The following WRAP53 variants were observed in gnomAD, a reference collection of about 807,000 sequenced individuals.
WRAP53 encodes the protein telomerase Cajal body protein 1.
A neutral mutation model predicts 56.6 loss-of-function variants in WRAP53; 28 were observed. That is an observed-to-expected ratio of 0.50 (90% CI 0.37 to 0.68). The LOEUF is 0.68. Ranked by LOEUF, WRAP53 falls within the 30% of genes least tolerant of loss-of-function variation. The pLI, the probability that WRAP53 is intolerant of heterozygous loss-of-function variation, is 0.00. For synonymous variants in WRAP53, 283 were observed against 283.4 expected (o/e 1.00, Z 0.01); for missense variants, 671 against 715.5 (o/e 0.94, Z 0.71).
chr17:7,697,870 CT>C (rs35262309), intron 4 of WRAP53, among the ~76,000 whole-genome samples: 230 of 143,682 alleles, frequency 1.6e-3, no homozygotes, highest in Admixed American at 2.2e-3. Flanking sequence ...ACAATAGACA[CT>C]TTTTTTTTTT....
Position 7,688,527 on chromosome 17 carries a change from C to A in WRAP53, c.-36C>A, listed in dbSNP as rs1247050198. 2.8e-6 allele frequency: 3 copies of A among 1,077,694 alleles called. No individual in the cohort carries two copies. The highest frequency in any genetic ancestry group is 2.9e-5 in the South Asian group (2 of 68,398). The allele number at this position is 1,077,694 out of a possible 1,614,324, so 66.8% of individuals were successfully genotyped here. ...GCTGTTCGCCTCTCCTCCCGGGAGT[C>A]TTCTGCCTACTCCCAGAAGAGGAGG... On this transcript the variant is annotated 5_prime_UTR_variant, in exon 1 of 11. Coordinates refer to ENST00000396463, the MANE Select transcript of WRAP53 (RefSeq NM_001143992.2).
rs1413140173 is a variant in WRAP53, at chr17:7,702,191, C to T, written c.956-153C>T. 2 of 805,430 alleles carry T rather than the reference C, an allele frequency of 2.5e-6. No homozygotes were observed. Among genetic ancestry groups the T allele is most frequent in the Non-Finnish European group, 4.1e-6 (2 of 484,610 alleles). The allele number at this position is 805,430 out of a possible 1,614,324, so 49.9% of individuals were successfully genotyped here. A position where few individuals can be genotyped will look rare whatever the true frequency, so the allele number is the denominator to read the frequency against. On this transcript the variant is annotated intron_variant, in intron 7 of 10. Transcript: ENST00000396463. The surrounding 1 kb of genome is among the most constrained non-coding windows in gnomAD (Gnocchi z 5.0). ...CCTTTGGGAGGATAGATGTGGGGAG[C>T]ATCAGAGGTCTTTGTCCTGCTTGTG...
intron 4 of WRAP53, among the ~76,000 whole-genome samples, chr17:7,699,094 A>T (rs1417192764): frequency 6.7e-6 from 1 of 150,080 alleles, no homozygotes; most frequent in African/African-American, 2.5e-5. Flanking sequence ...GACCTGCAAG[A>T]CAACGTTAGA....
At position 7,699,458 on chromosome 17, in the gene WRAP53, T is replaced by A. The variant is rs865816158; in HGVS notation, c.643-1283T>A. Among the ~76,000 whole-genome samples the A allele has an allele frequency of 7.0e-3, 278 of 39,794 alleles. 13 individuals are homozygous for A. The highest frequency in any genetic ancestry group is 0.042 in the African/African-American group (215 of 5,132). The allele number at this position is 39,794 out of a possible 152,430, so 26.1% of individuals were successfully genotyped here. A position where few individuals can be genotyped will look rare whatever the true frequency, so the allele number is the denominator to read the frequency against. The stretch of plus-strand genomic sequence containing the variant: ...AAAAAATTTATATATATATATATAT[T>A]TATATATATATATATATTTATATAT... On this transcript the variant is annotated intron_variant, in intron 4 of 10. Coordinates refer to ENST00000396463, the MANE Select transcript of WRAP53 (RefSeq NM_001143992.2).
rs2074052837 is a variant in WRAP53 at position 7,688,574 on chromosome 17, A to G, written c.-2+13A>G. On this transcript the variant is annotated intron_variant, in intron 1 of 10. Transcript: ENST00000396463. ...GAGGGAAGCACAGGTGGGTTTCTTT[A>G]GCTCTGCGTCGGATCCCTGAGAACT... 2 of 1,546,482 alleles carry G rather than the reference A, an allele frequency of 1.3e-6. No individual in the cohort carries two copies. The highest frequency in any genetic ancestry group is 2.3e-5 in the South Asian group (2 of 86,812).
chr17:7,701,798 C>A lies in WRAP53; in HGVS notation c.955+9C>A. ...GGTCCGAGCCACATTTGGTAAGCAT[C>A]TGTGCCTCCAAGGGAGGAGGAGAGG... is the stretch of plus-strand genomic sequence containing the variant. On this transcript the variant is annotated intron_variant, in intron 7 of 10. Coordinates refer to ENST00000396463, the MANE Select transcript of WRAP53 (RefSeq NM_001143992.2). The surrounding 1 kb of genome is among the most constrained non-coding windows in gnomAD (Gnocchi z 4.2). 6.2e-7 allele frequency: 1 copy of A among 1,613,384 alleles called. No individual in the cohort carries two copies. Among genetic ancestry groups the A allele is most frequent in the Non-Finnish European group, 8.5e-7 (1 of 1,179,720 alleles).
At position 7,702,533 on chromosome 17, in the gene WRAP53, T is replaced by A. The variant is rs375768855; in HGVS notation, c.1145T>A (p.Phe382Tyr). 6.2e-7 allele frequency: 1 copy of A among 1,611,176 alleles called. No individual in the cohort carries two copies. The highest frequency in any genetic ancestry group is 1.3e-5 in the African/African-American group (1 of 75,012). The change falls in exon 8 of 11, where the codon TTC becomes TAC. Residue 382 changes from phenylalanine to tyrosine, a missense_variant. Phe to Tyr is a conservative substitution (Grantham distance 22). Around this residue, in one of 3 missense-constraint regions of WRAP53, gnomAD observed 158 missense variants for 215.7 expected, o/e 0.73. Transcript: ENST00000396463. The surrounding 1 kb of genome is among the most constrained non-coding windows in gnomAD (Gnocchi z 5.0). The part of the protein sequence containing the change: ...HLCFHPDGNR[F>Y]FSGARKDAEL... Reference sequence around the variant, plus strand: ...TGCTTTCATCCCGATGGCAACCGCTTCTTCTCAGGAGCCCGCAAGGTAGGG... The same window carrying A: ...TGCTTTCATCCCGATGGCAACCGCTACTTCTCAGGAGCCCGCAAGGTAGGG...
chr17:7,694,121 A>G lies in WRAP53; in HGVS notation c.642+4420A>G, dbSNP rs118024394. 1.3e-3 allele frequency among the ~76,000 whole-genome samples: 201 copies of G among 152,316 alleles called. 1 individual carries two copies. The highest frequency in any genetic ancestry group is 3.2e-3 in the Admixed American group (49 of 15,294). On this transcript the variant is annotated intron_variant, in intron 4 of 10. Transcript: ENST00000396463. ...AATATGGTGAAACCCCGTCTCTACT[A>G]AAAAAGATACAAAGTTAGCCAGGCA...
chr17:7,700,066 TG>T (rs1165381213), intron 4 of WRAP53, among the ~76,000 whole-genome samples: 2 of 151,188 alleles, frequency 1.3e-5, no homozygotes, highest in African/African-American at 2.4e-5. Flanking sequence ...CTTTTTTTTT[TG>T]GGGGGCACTG....
intron 4 of WRAP53, among the ~76,000 whole-genome samples, chr17:7,699,498 ATATTTATATATATATATATATATT>A (rs1292441571): frequency 0.06 from 725 of 12,030 alleles, 79 homozygotes; most frequent in African/African-American, 0.16. Context: ...ATATATATAT[ATATTTATATATATATATATATATT>A]TATATATATA....
At chr17:7,687,678 G>A (rs953705814), upstream of WRAP53, 3 of 398,280 alleles carry the variant, frequency 7.5e-6, no homozygotes, top group East Asian at 3.6e-5. Flanking sequence ...GATTCTCGCC[G>A]ACCTGGTGCC....
At chr17:7,687,678 G>C (rs953705814), upstream of WRAP53, 1 of 398,280 alleles carries the variant, frequency 2.5e-6, no homozygotes, top group Non-Finnish European at 4.4e-6. Context: ...GATTCTCGCC[G>C]ACCTGGTGCC....
At position 7,701,289 on chromosome 17, in the gene WRAP53, G is replaced by C; in HGVS notation, c.732-170G>C. 1 of 732,686 alleles carries C rather than the reference G, an allele frequency of 1.4e-6. No homozygotes were observed. The highest frequency in any genetic ancestry group is 2.7e-5 in the East Asian group (1 of 37,126). The allele number at this position is 732,686 out of a possible 1,614,324, so 45.4% of individuals were successfully genotyped here. On this transcript the variant is annotated intron_variant, in intron 5 of 10. Transcript: ENST00000396463. The surrounding 1 kb of genome is among the most constrained non-coding windows in gnomAD (Gnocchi z 4.2). ...CAGCCTCATTTTTGTATTTTTAGTA[G>C]AGACAGGGTTTCACCATGTTGGCCA...
At position 7,703,421 on chromosome 17, in the gene WRAP53, C is replaced by T; in HGVS notation, c.1582C>T (p.Pro528Ser). ...TGGGGGGGCGCCAGACTCCAGCATC[C>T]CTGATGATCACCAGGGCGAGAAAGG... The part of the protein sequence containing the change: ...WCGGAPDSSI[P>S]DDHQGEKGQG... Residue 528 changes from proline to serine, a missense_variant, in exon 11 of 11, where the codon CCT becomes TCT. Pro to Ser is a moderately conservative substitution (Grantham distance 74). Transcript: ENST00000396463. The T allele has an allele frequency of 6.2e-7, 1 of 1,612,308 alleles. No homozygotes were observed. Among genetic ancestry groups the T allele is most frequent in the Non-Finnish European group, 8.5e-7 (1 of 1,179,094 alleles).
At chr17:7,699,503 TA>T (rs2074241432) in intron 4 of WRAP53, among the ~76,000 whole-genome samples, 1 of 12,480 alleles carries the variant, frequency 8.0e-5, no homozygotes, top group Non-Finnish European at 1.4e-4. Context: ...TATATATATT[TA>T]TATATATATA....
chr17:7,699,954 A>C lies in WRAP53; in HGVS notation c.643-787A>C, dbSNP rs143525215. 3.5e-3 allele frequency among the ~76,000 whole-genome samples: 532 copies of C among 151,756 alleles called. 2 individuals are homozygous for C. The highest frequency in any genetic ancestry group is 5.6e-3 in the Non-Finnish European group (382 of 67,928). On this transcript the variant is annotated intron_variant, in intron 4 of 10. Transcript: ENST00000396463. ...CACCATATTGCCCAGGCTGGTCTTG[A>C]ACTCCTGGGCTCAAGTGATCTGCCT...
At chr17:7,696,231 G>C (rs1405108664) in intron 4 of WRAP53, among the ~76,000 whole-genome samples, 1 of 150,304 alleles carries the variant, frequency 6.7e-6, no homozygotes, top group Non-Finnish European at 1.5e-5. Flanking sequence ...CCAGTGGGTT[G>C]AAAGTGTGGC....
At chr17:7,687,228 T>G (rs1228339504), upstream of WRAP53, 1 of 397,720 alleles carries the variant, frequency 2.5e-6, no homozygotes, top group African/African-American at 2.1e-5. Context: ...TGATGATCCC[T>G]CTAGCCAAGC....
In WRAP53 at chr17:7,690,041, C is replaced by T. The variant is rs143964994; in HGVS notation, c.642+340C>T. ...TCGGCTCACTGCAACCTCTGCCTCC[C>T]GGGTTCAAGCGATTCTCCTGCCTCA... On this transcript the variant is annotated intron_variant, in intron 4 of 10. Coordinates refer to ENST00000396463, the MANE Select transcript of WRAP53 (RefSeq NM_001143992.2). 1.6e-3 allele frequency among the ~76,000 whole-genome samples: 248 copies of T among 151,528 alleles called. 1 individual carries two copies. The highest frequency in any genetic ancestry group is 5.8e-3 in the African/African-American group (240 of 41,318).
Sources: allele counts gnomAD v4.1 joint callset (sites outside exome capture counted in the v4.1 genomes callset), GRCh38; gene constraint gnomAD v4.1.1; regional missense constraint gnomAD v4.1.1; non-coding constraint Gnocchi (gnomAD v3.1); transcripts MANE v1.5; gene names NCBI Gene and HGNC (gene_info 2026-07-23, HGNC 2026-07-21).